SMYD3: variants seen among roughly 807,000 people sequenced by gnomAD.
SMYD3 encodes the protein histone-lysine N-methyltransferase SMYD3.
In SMYD3, 36 loss-of-function variants were observed where a neutral mutation model predicts 57.7. The ratio of observed to expected loss-of-function variants is 0.62; its 90% confidence interval spans 0.48 to 0.82. The LOEUF is 0.82. SMYD3 is among the 40% of genes least tolerant of loss of function. SMYD3 has a pLI of 0.00. For missense variants in SMYD3, 515 were observed against 538.8 expected, an observed-to-expected ratio of 0.96 and a Z score of 0.44; for synonymous variants, 211 against 195.0, an observed-to-expected ratio of 1.08 and a Z score of -0.68.
At chr1:246,154,498 C>A (rs2061991374) in intron 5 of SMYD3, among the ~76,000 whole-genome samples, 1 of 152,170 alleles carries the variant, frequency 6.6e-6, no homozygotes, top group Admixed American at 6.5e-5. Context: ...CAATAGCCCT[C>A]CTAGTTTCTT....
At position 246,087,578 on chromosome 1, in the gene SMYD3, C is replaced by T. The variant is rs144238878; in HGVS notation, c.532-157641G>A. Among the ~76,000 whole-genome samples, 372 of 152,278 alleles carry T rather than the reference C, an allele frequency of 2.4e-3. 3 individuals are homozygous for T. Among genetic ancestry groups the T allele is most frequent in the Middle Eastern group, 0.017 (5 of 294 alleles). On this transcript the variant is annotated intron_variant, in intron 5 of 11. Coordinates refer to ENST00000490107, the MANE Select transcript of SMYD3 (RefSeq NM_001167740.2). ...AAAACAAGTTCAGTTAGTTGTTTTC[C>T]GTGGTATCTATGAAACTTTTTTCTA...
intron 1 of SMYD3, among the ~76,000 whole-genome samples, chr1:246,362,194 T>C (rs2065998962): frequency 3.9e-5 from 6 of 152,208 alleles, no homozygotes; most frequent in Admixed American, 3.9e-4. Context: ...GTCCATAAAC[T>C]GGTTAAAAGT....
At chr1:245,988,989 G>A (rs1246400071) in intron 5 of SMYD3, among the ~76,000 whole-genome samples, 2 of 152,304 alleles carry the variant, frequency 1.3e-5, no homozygotes, top group African/African-American at 2.4e-5. Context: ...TAAATTCCCC[G>A]TATCATATTA....
intron 5 of SMYD3, among the ~76,000 whole-genome samples, chr1:246,001,550 A>C (rs1355145183): frequency 1.3e-5 from 2 of 152,146 alleles, no homozygotes; most frequent in Non-Finnish European, 2.9e-5. Flanking sequence ...AAAATCTAAG[A>C]AGCATGGCTG....
intron 5 of SMYD3, among the ~76,000 whole-genome samples, chr1:246,240,083 T>A (rs1236660356): frequency 1.3e-5 from 2 of 152,208 alleles, no homozygotes; most frequent in Non-Finnish European, 2.9e-5. Context: ...ATGCAGAAGC[T>A]CTTTAGTTTA....
At chr1:246,392,880 A>G (rs1311342722) in intron 1 of SMYD3, among the ~76,000 whole-genome samples, 1 of 152,160 alleles carries the variant, frequency 6.6e-6, no homozygotes, top group African/African-American at 2.4e-5. Flanking sequence ...ATAAGCATAT[A>G]GAAACATGTT....
At chr1:245,920,270 G>GCA (rs1558495327) in intron 7 of SMYD3, among the ~76,000 whole-genome samples, 31 of 133,082 alleles carry the variant, frequency 2.3e-4, no homozygotes, top group South Asian at 1.6e-3. Context: ...ACGAGATCAT[G>GCA]CCACTGCACT....
chr1:246,130,119 G>C (rs2061565686), intron 5 of SMYD3, among the ~76,000 whole-genome samples: 1 of 152,108 alleles, frequency 6.6e-6, no homozygotes. Flanking sequence ...CAAGTCATCA[G>C]GAGAAAAACT....
intron 5 of SMYD3, among the ~76,000 whole-genome samples, chr1:246,273,538 T>C (rs1455254097): frequency 6.6e-6 from 1 of 151,496 alleles, no homozygotes; most frequent in African/African-American, 2.4e-5. Flanking sequence ...ACAATTTTGT[T>C]AATCTTTTCA....
intron 5 of SMYD3, among the ~76,000 whole-genome samples, chr1:246,246,340 T>C (rs1428920628): frequency 6.6e-6 from 1 of 152,184 alleles, no homozygotes; most frequent in Non-Finnish European, 1.5e-5. Flanking sequence ...TGGACATTGC[T>C]CTAGTTGTTC....
At chr1:246,038,436 G>T (rs562788894) in intron 5 of SMYD3, among the ~76,000 whole-genome samples, 1 of 152,090 alleles carries the variant, frequency 6.6e-6, no homozygotes, top group Admixed American at 6.5e-5. Flanking sequence ...ACGAACAAAT[G>T]AAAACTTTCG....
chr1:246,483,567 C>T (rs2068141524), intron 1 of SMYD3: 1 of 152,190 alleles, frequency 6.6e-6, no homozygotes, highest in Non-Finnish European at 1.5e-5. Context: ...ATTCACTAAG[C>T]TATCTCTATT....
chr1:246,401,400 C>T (rs1421486065), intron 1 of SMYD3, among the ~76,000 whole-genome samples: 3 of 152,178 alleles, frequency 2.0e-5, no homozygotes, highest in South Asian at 2.1e-4. Context: ...GTGGTGCAAT[C>T]TCGGCTCACT....
intron 1 of SMYD3, among the ~76,000 whole-genome samples, chr1:246,460,851 G>A (rs1225629334): frequency 2.0e-5 from 3 of 152,122 alleles, no homozygotes; most frequent in Non-Finnish European, 4.4e-5. Context: ...CTTCAATTCA[G>A]CATGTCAGAA....
At chr1:245,921,937 A>G (rs1249193369) in intron 7 of SMYD3, among the ~76,000 whole-genome samples, 2 of 152,142 alleles carry the variant, frequency 1.3e-5, no homozygotes, top group Non-Finnish European at 2.9e-5. Context: ...CTATCATGCA[A>G]TATACCCATG....
At chr1:245,788,328 T>C (rs1481207166) in intron 10 of SMYD3, among the ~76,000 whole-genome samples, 1 of 152,206 alleles carries the variant, frequency 6.6e-6, no homozygotes, top group East Asian at 1.9e-4. Context: ...AGGGCACCTA[T>C]GAAGCATTGC....
intron 10 of SMYD3, among the ~76,000 whole-genome samples, chr1:245,831,435 C>T (rs2148383878): frequency 6.6e-6 from 1 of 152,316 alleles, no homozygotes; most frequent in East Asian, 1.9e-4. Context: ...AACCAGGTAC[C>T]TGGGTAACTT....
intron 2 of SMYD3, among the ~76,000 whole-genome samples, chr1:246,347,948 A>T (rs1275871919): frequency 6.6e-6 from 1 of 151,608 alleles, no homozygotes; most frequent in Non-Finnish European, 1.5e-5. Flanking sequence ...AAGATAAGTC[A>T]TTCTACCAAA....
intron 5 of SMYD3, among the ~76,000 whole-genome samples, chr1:246,002,692 T>A (rs1422890439): frequency 6.7e-6 from 1 of 149,584 alleles, no homozygotes; most frequent in Non-Finnish European, 1.5e-5. Context: ...GACCTCGTGA[T>A]CCGACCGCCT....
Sources: allele counts gnomAD v4.1 joint callset (sites outside exome capture counted in the v4.1 genomes callset), GRCh38; gene constraint gnomAD v4.1.1; transcripts MANE v1.5; gene names NCBI Gene and HGNC (gene_info 2026-07-23, HGNC 2026-07-21).